Variants in RPTOR observed in about 807,000 individuals in gnomAD.
The protein encoded by RPTOR is regulatory associated protein of MTOR complex 1, also known as regulatory-associated protein of mTOR.
In RPTOR, 21 loss-of-function variants were observed where a neutral mutation model predicts 169.9. That is an observed-to-expected ratio of 0.12 (90% CI 0.09 to 0.18). The LOEUF is 0.18. RPTOR is among the 10% of genes least tolerant of loss of function. The pLI, the probability that RPTOR is intolerant of heterozygous loss-of-function variation, is 1.00. For synonymous variants in RPTOR, 732 were observed against 753.2 expected (o/e 0.97, Z 0.46); for missense variants, 1,133 against 1,855.9 (o/e 0.61, Z 7.16).
intron 20 of RPTOR, among the ~76,000 whole-genome samples, chr17:80,900,746 G>A (rs983330985): frequency 2.6e-5 from 4 of 152,172 alleles, no homozygotes; most frequent in Admixed American, 6.5e-5. Flanking sequence ...GTTCACTCTC[G>A]TCCCTCCACT....
chr17:80,688,946 A>C (rs2065969391), intron 3 of RPTOR, among the ~76,000 whole-genome samples: 1 of 151,998 alleles, frequency 6.6e-6, no homozygotes, highest in Non-Finnish European at 1.5e-5. Flanking sequence ...TACACAAGGC[A>C]CCTCAAGGGG....
chr17:80,626,848 G>A (rs898526229), intron 2 of RPTOR, among the ~76,000 whole-genome samples: 4 of 149,008 alleles, frequency 2.7e-5, no homozygotes, highest in African/African-American at 2.5e-5. Flanking sequence ...ACAATTGAAC[G>A]ACATGAAATA....
chr17:80,949,649 TC>T, intron 28 of RPTOR, 102 bp downstream of exon 28: 2 of 934,314 alleles, frequency 2.1e-6, no homozygotes, highest in Non-Finnish European at 3.4e-6. Flanking sequence ...AACAGGCTGC[TC>T]CACCTCAGAG....
At chr17:80,757,616 T>C (rs184246591) in intron 6 of RPTOR, among the ~76,000 whole-genome samples, 152 of 152,322 alleles carry the variant, frequency 1.0e-3, no homozygotes, top group African/African-American at 3.6e-3. Flanking sequence ...ATATCATAGT[T>C]GTCCATATTT....
At chr17:80,838,935 C>G (rs1158370622) in intron 10 of RPTOR, among the ~76,000 whole-genome samples, 1 of 152,222 alleles carries the variant, frequency 6.6e-6, no homozygotes, top group Non-Finnish European at 1.5e-5. Context: ...TGGACAGAGC[C>G]CAGCACAGGG....
At chr17:80,890,984 T>C (rs1344966606) in intron 17 of RPTOR, among the ~76,000 whole-genome samples, 1 of 151,894 alleles carries the variant, frequency 6.6e-6, no homozygotes, top group African/African-American at 2.4e-5. Context: ...ATTTTTTCTT[T>C]TCAGAAAAAA....
At chr17:80,689,111 G>T (rs2065970425) in intron 3 of RPTOR, among the ~76,000 whole-genome samples, 1 of 152,200 alleles carries the variant, frequency 6.6e-6, no homozygotes, top group Non-Finnish European at 1.5e-5. Flanking sequence ...TTATCAAACG[G>T]TTTCATATGT....
chr17:80,625,948 A>C (rs1448392144), intron 2 of RPTOR, among the ~76,000 whole-genome samples, 155 bp downstream of exon 2: 1 of 152,234 alleles, frequency 6.6e-6, no homozygotes, highest in East Asian at 1.9e-4. Context: ...CCTTTGAGTA[A>C]TTTCCGATGC....
intron 1 of RPTOR, among the ~76,000 whole-genome samples, chr17:80,621,099 G>A (rs1309437685): frequency 6.6e-6 from 1 of 152,168 alleles, no homozygotes; most frequent in Non-Finnish European, 1.5e-5. Context: ...ACACATTCCA[G>A]CTGAGGGCCA....
chr17:80,963,947 C>T (rs2069387328), intron 33 of RPTOR, among the ~76,000 whole-genome samples: 1 of 152,102 alleles, frequency 6.6e-6, no homozygotes, highest in Non-Finnish European at 1.5e-5. Flanking sequence ...CACCTGCCGC[C>T]TTGTGTTGTG....
chr17:80,849,890 C>T (rs1214596615), intron 11 of RPTOR, among the ~76,000 whole-genome samples: 1 of 152,220 alleles, frequency 6.6e-6, no homozygotes, highest in Non-Finnish European at 1.5e-5. Flanking sequence ...CTGGCTTCGG[C>T]AGCTCGCCCG....
chr17:80,765,627 C>G (rs2066778525), intron 6 of RPTOR, among the ~76,000 whole-genome samples: 1 of 152,110 alleles, frequency 6.6e-6, no homozygotes, highest in African/African-American at 2.4e-5. Context: ...AAGCTGGGTG[C>G]CCAGGCTCCC....
intron 3 of RPTOR, among the ~76,000 whole-genome samples, chr17:80,700,511 A>ATGGTGG (rs1233989341): frequency 3.4e-5 from 2 of 58,006 alleles, no homozygotes; most frequent in South Asian, 6.4e-4. Flanking sequence ...GATGATGGTG[A>ATGGTGG]TGGTGATGGT....
intron 1 of RPTOR, among the ~76,000 whole-genome samples, chr17:80,582,919 T>C (rs1599574076): frequency 6.7e-6 from 1 of 149,966 alleles, no homozygotes; most frequent in East Asian, 1.9e-4. Context: ...TTTTTTTCTT[T>C]TTTTTTTTTT....
chr17:80,740,674 G>A (rs779827513), intron 5 of RPTOR, among the ~76,000 whole-genome samples: 6 of 151,706 alleles, frequency 4.0e-5, no homozygotes, highest in Admixed American at 2.0e-4. Context: ...AAAATCATAC[G>A]ATTTTACCAA....
intron 6 of RPTOR, among the ~76,000 whole-genome samples, chr17:80,768,971 A>G (rs9897595): frequency 0.27 from 41,600 of 152,146 alleles, 5,865 homozygotes; most frequent in African/African-American, 0.33. Context: ...GCTAAACTGG[A>G]CAGTATATTG....
chr17:80,779,002 T>C (rs557663062), intron 6 of RPTOR, among the ~76,000 whole-genome samples: 6 of 152,330 alleles, frequency 3.9e-5, no homozygotes, highest in Admixed American at 2.6e-4. Context: ...CATATCTTTG[T>C]GGTTTAGCAC....
intron 12 of RPTOR, 74 bp downstream of exon 12, chr17:80,855,621 C>A: frequency 8.5e-7 from 1 of 1,179,660 alleles, no homozygotes; most frequent in Non-Finnish European, 1.3e-6. Context: ...TCAGTCTGTG[C>A]ACGTATTTCA....
intron 3 of RPTOR, among the ~76,000 whole-genome samples, chr17:80,691,551 G>A (rs2065991864): frequency 6.6e-6 from 1 of 152,180 alleles, no homozygotes. Context: ...CTTCACCGAT[G>A]TCCACGTCGT....
Sources: gnomAD v4.1 joint callset for allele counts (sites outside exome capture counted in the v4.1 genomes callset) on GRCh38, gnomAD v4.1.1 for gene constraint, MANE v1.5 for transcripts, NCBI Gene and HGNC (gene_info 2026-07-23, HGNC 2026-07-21) for gene names.